Variants in DUSP22 observed in about 807,000 individuals in gnomAD.
The protein encoded by DUSP22 is dual specificity phosphatase 22, also known as dual specificity protein phosphatase 22.
In DUSP22, 24 loss-of-function variants were observed where a neutral mutation model predicts 24.5. The ratio of observed to expected loss-of-function variants is 0.98; its 90% CI spans 0.71 to 1.38. The LOEUF is 1.38. DUSP22 is among the 40% of genes most tolerant of loss of function. The probability of loss-of-function intolerance (pLI) is 0.00; values close to 1 mark genes in which losing one functional copy is unlikely to be tolerated. For missense variants in DUSP22, 330 were observed against 269.2 expected, an observed-to-expected ratio of 1.23 and a Z score of -1.58; for synonymous variants, 160 against 106.4, an observed-to-expected ratio of 1.50 and a Z score of -3.10.
chr6:293,785 G>T (rs1034478006), intron 1 of DUSP22, among the ~76,000 whole-genome samples: 1 of 147,234 alleles, frequency 6.8e-6, no homozygotes, highest in Non-Finnish European at 1.5e-5. Context: ...TTGGTAAAGA[G>T]AATTGTATTC....
chr6:323,580 G>A (rs867034785), intron 3 of DUSP22, among the ~76,000 whole-genome samples: 4 of 152,308 alleles, frequency 2.6e-5, no homozygotes, highest in Admixed American at 6.5e-5. Flanking sequence ...CGTGAGAGGT[G>A]CAGCCACTAT....
chr6:334,027 T>C (rs1311498740), intron 3 of DUSP22, among the ~76,000 whole-genome samples: 1 of 152,304 alleles, frequency 6.6e-6, no homozygotes, highest in Non-Finnish European at 1.5e-5. Flanking sequence ...TTCCTAACAA[T>C]AGGAGTTAAT....
intron 4 of DUSP22, among the ~76,000 whole-genome samples, chr6:340,497 T>C (rs1166879360): frequency 2.0e-5 from 3 of 152,308 alleles, no homozygotes; most frequent in African/African-American, 7.2e-5. Flanking sequence ...TAGAATACTC[T>C]ACTCATTTGC....
chr6:311,542 T>TGGTGGCGGGCGC (rs1758093029), intron 2 of DUSP22, among the ~76,000 whole-genome samples: 3 of 152,272 alleles, frequency 2.0e-5, no homozygotes, highest in African/African-American at 7.2e-5. Flanking sequence ...TAGCCGGGCG[T>TGGTGGCGGGCGC]GGTGGCGGGC....
intron 3 of DUSP22, among the ~76,000 whole-genome samples, chr6:317,296 C>T (rs1368243689): frequency 6.6e-6 from 1 of 152,306 alleles, no homozygotes; most frequent in Middle Eastern, 3.2e-3. Context: ...TGGAGGGACC[C>T]TGGTTTCCTG....
intron 1 of DUSP22, among the ~76,000 whole-genome samples, chr6:301,828 G>A (rs1219480028): frequency 4.6e-5 from 7 of 152,294 alleles, no homozygotes; most frequent in African/African-American, 9.6e-5. Flanking sequence ...GCAGCAAGCC[G>A]GGCTCCAGAC....
chr6:324,389 C>T (rs1313650614), intron 3 of DUSP22, among the ~76,000 whole-genome samples: 1 of 152,308 alleles, frequency 6.6e-6, no homozygotes, highest in Non-Finnish European at 1.5e-5. Flanking sequence ...CTCCCACCCA[C>T]ACCTGCTGCC....
Position 345,838 on chromosome 6 carries a change from T to G in DUSP22, c.189-16T>G, listed in dbSNP as rs756492316. 2 of 1,613,672 alleles carry G rather than the reference T, an allele frequency of 1.2e-6. No individual in the cohort carries two copies. The highest frequency in any genetic ancestry group is 8.5e-7 in the Non-Finnish European group (1 of 1,179,872). On this transcript the variant is annotated splice_polypyrimidine_tract_variant and intron_variant, in intron 4 of 6. Coordinates refer to ENST00000419235, the MANE Select transcript of DUSP22 (RefSeq NM_001286555.3). The stretch of plus-strand genomic sequence containing the variant: ...TAAAGTAGAGAGATGTCATTTCTCT[T>G]TTTTTCTTTTCCCAGGACAAGACAT...
chr6:342,801 C>T (rs1281357012), intron 4 of DUSP22, among the ~76,000 whole-genome samples: 8 of 152,306 alleles, frequency 5.3e-5, no homozygotes, highest in African/African-American at 1.9e-4. Context: ...AAGTCCCTAC[C>T]CACAGCCTTT....
intron 4 of DUSP22, chr6:338,203 A>G (rs972794204): frequency 2.0e-5 from 3 of 152,356 alleles, no homozygotes; most frequent in African/African-American, 7.2e-5. Context: ...TTCGACACAC[A>G]TATGTCCATG....
rs905807176 is a variant in DUSP22 at position 348,492 on chromosome 6, G to A, written c.435+218G>A. The A allele has an allele frequency of 4.5e-5, 39 of 875,062 alleles. No homozygotes were observed. The African/African-American group carries it at 6.2e-4, about 14-fold the overall frequency. The allele number at this position is 875,062 out of a possible 1,614,324, so 54.2% of individuals were successfully genotyped here. A position where few individuals can be genotyped will look rare whatever the true frequency, so the allele number is the denominator to read the frequency against. ...GCCTACCCTTTGTCATTCTCCTTGT[G>A]CCTGGTACTCCCTACTAGTTTGTTT... On this transcript the variant is annotated intron_variant, in intron 6 of 6. Transcript: ENST00000419235.
At chr6:301,140 C>T (rs1184710220) in intron 1 of DUSP22, among the ~76,000 whole-genome samples, 1 of 152,302 alleles carries the variant, frequency 6.6e-6, no homozygotes, top group African/African-American at 2.4e-5. Context: ...GGCTCTGCTT[C>T]CCACCAAGAC....
intron 4 of DUSP22, among the ~76,000 whole-genome samples, chr6:336,376 T>A (rs1759362934): frequency 6.6e-6 from 1 of 152,300 alleles, no homozygotes; most frequent in Non-Finnish European, 1.5e-5. Context: ...CAAGCACTGG[T>A]GCACGCACAC....
intron 3 of DUSP22, among the ~76,000 whole-genome samples, chr6:313,888 CA>C (rs1176230597): frequency 1.3e-5 from 2 of 152,416 alleles, no homozygotes; most frequent in South Asian, 2.1e-4. Context: ...TGGTGGTGCC[CA>C]CATTAAGTTA....
intron 3 of DUSP22, among the ~76,000 whole-genome samples, chr6:332,740 C>T (rs539843390): frequency 6.0e-4 from 92 of 152,322 alleles, no homozygotes; most frequent in African/African-American, 1.8e-3. Context: ...TGGGGGACGC[C>T]GGCATTTCCA....
At chr6:306,917 T>G (rs1757836259) in intron 2 of DUSP22, among the ~76,000 whole-genome samples, 1 of 152,306 alleles carries the variant, frequency 6.6e-6, no homozygotes. Context: ...GTAGCGGGGC[T>G]GACCCAGACA....
chr6:293,895 A>G (rs1243738092), intron 1 of DUSP22, among the ~76,000 whole-genome samples: 3 of 151,290 alleles, frequency 2.0e-5, no homozygotes, highest in Non-Finnish European at 4.4e-5. Flanking sequence ...GAGCACTGGA[A>G]TCCATCAGCA....
At chr6:344,419 G>A (rs571421200) in intron 4 of DUSP22, among the ~76,000 whole-genome samples, 4 of 152,408 alleles carry the variant, frequency 2.6e-5, no homozygotes, top group Admixed American at 1.3e-4. Context: ...CCAAGTACCC[G>A]GGACTACAGG....
Position 349,039 on chromosome 6 carries a change from A to C in DUSP22, c.*88A>C. Reference sequence around the variant, plus strand: ...TGCGGTGGTGGTGGCCGATGAGGACAGGAAAGGGAGATAGCCAGGGCGAGG... The same window carrying C: ...TGCGGTGGTGGTGGCCGATGAGGACCGGAAAGGGAGATAGCCAGGGCGAGG... On this transcript the variant is annotated 3_prime_UTR_variant, in exon 7 of 7. Coordinates refer to ENST00000419235, the MANE Select transcript of DUSP22 (RefSeq NM_001286555.3). The C allele has an allele frequency of 3.3e-6, 5 of 1,514,338 alleles. No individual in the cohort carries two copies. In the Admixed American group the frequency reaches 8.3e-5, roughly 25 times the overall value. The allele number at this position is 1,514,338 out of a possible 1,614,324, so 93.8% of individuals were successfully genotyped here.
Sources: gnomAD v4.1 joint callset for allele counts (sites outside exome capture counted in the v4.1 genomes callset) on GRCh38, gnomAD v4.1.1 for gene constraint, MANE v1.5 for transcripts, NCBI Gene and HGNC (gene_info 2026-07-23, HGNC 2026-07-21) for gene names.